The following DOCK10 variants were observed in gnomAD, a reference collection of about 807,000 sequenced individuals.
DOCK10 encodes the protein dedicator of cytokinesis 10.
In DOCK10, 145 loss-of-function variants were observed where a neutral mutation model predicts 280.1. That is an observed-to-expected ratio of 0.52 (90% CI 0.45 to 0.59). DOCK10 has a LOEUF of 0.59. DOCK10 is among the 20% of genes least tolerant of loss of function. DOCK10 has a pLI of 0.00. For synonymous variants in DOCK10, 915 were observed against 942.2 expected (o/e 0.97, Z 0.53); for missense variants, 2,368 against 2,651.7 (o/e 0.89, Z 2.35).
intron 1 of DOCK10, among the ~76,000 whole-genome samples, chr2:225,032,101 TAA>T (rs1179667716): frequency 6.6e-6 from 1 of 152,102 alleles, no homozygotes; most frequent in African/African-American, 2.4e-5. Context: ...AAGATGAAAA[TAA>T]GTTTTATTTT....
chr2:225,016,554 T>C (rs557967884), intron 1 of DOCK10, among the ~76,000 whole-genome samples: 1 of 142,272 alleles, frequency 7.0e-6, no homozygotes, highest in African/African-American at 2.6e-5. Context: ...TATATGCACA[T>C]AGATACATAT....
At chr2:224,902,189 T>C (rs1332108834) in intron 3 of DOCK10, among the ~76,000 whole-genome samples, 1 of 152,226 alleles carries the variant, frequency 6.6e-6, no homozygotes, top group African/African-American at 2.4e-5. Flanking sequence ...GCAATTTGGG[T>C]TTGGCAATGC....
At chr2:224,839,177 C>A (rs998289712) in intron 24 of DOCK10, among the ~76,000 whole-genome samples, 1 of 151,872 alleles carries the variant, frequency 6.6e-6, no homozygotes, top group Non-Finnish European at 1.5e-5. Flanking sequence ...CTCCTGGGTT[C>A]ATGCCATTCT....
chr2:224,921,092 TA>T (rs781152272), intron 2 of DOCK10, among the ~76,000 whole-genome samples: 1,479 of 59,336 alleles, frequency 0.025, 53 homozygotes, highest in Non-Finnish European at 0.03. Flanking sequence ...CCGTCTCTAT[TA>T]AAAAAAAAAA....
chr2:224,919,324 G>A (rs984535440), intron 2 of DOCK10, among the ~76,000 whole-genome samples: 2 of 150,686 alleles, frequency 1.3e-5, no homozygotes, highest in African/African-American at 4.9e-5. Flanking sequence ...CAGTGTGAGT[G>A]TGTGGTGTAT....
chr2:224,774,884 G>A, intron 52 of DOCK10, 21 bp downstream of exon 52: 1 of 1,564,982 alleles, frequency 6.4e-7, no homozygotes, highest in Non-Finnish European at 8.7e-7. Flanking sequence ...CCACATGTGT[G>A]GCCCGGCTAC....
At chr2:224,822,373 A>G (rs978282943) in intron 28 of DOCK10, among the ~76,000 whole-genome samples, 12 of 152,182 alleles carry the variant, frequency 7.9e-5, no homozygotes, top group African/African-American at 2.4e-4. Context: ...CAGTTTAGTA[A>G]GTAGCTACTC....
intron 20 of DOCK10, 76 bp downstream of exon 20, chr2:224,845,442 AG>A: frequency 6.4e-7 from 1 of 1,553,760 alleles, no homozygotes. Flanking sequence ...TCAATAAATC[AG>A]GGCTTTGAAA....
At chr2:224,888,595 A>G (rs1269845904) in intron 4 of DOCK10, among the ~76,000 whole-genome samples, 1 of 151,580 alleles carries the variant, frequency 6.6e-6, no homozygotes, top group African/African-American at 2.4e-5. Context: ...GTGTGAATAT[A>G]TATGTGTTTG....
At chr2:224,911,938 A>G (rs1348533675) in intron 3 of DOCK10, among the ~76,000 whole-genome samples, 1 of 152,198 alleles carries the variant, frequency 6.6e-6, no homozygotes, top group Non-Finnish European at 1.5e-5. Flanking sequence ...GGAATCCTAA[A>G]GCAAGACACG....
chr2:224,849,079 G>A (rs1011755203), intron 19 of DOCK10, among the ~76,000 whole-genome samples: 3 of 152,084 alleles, frequency 2.0e-5, no homozygotes, highest in Non-Finnish European at 4.4e-5. Context: ...TGGTTCAAGC[G>A]AGTCTCCTGC....
At chr2:224,992,587 C>T (rs1422460427) in intron 1 of DOCK10, among the ~76,000 whole-genome samples, 1 of 152,238 alleles carries the variant, frequency 6.6e-6, no homozygotes, top group African/African-American at 2.4e-5. Context: ...TGTTTAGCCT[C>T]TCTTTACAAC....
intron 1 of DOCK10, among the ~76,000 whole-genome samples, chr2:224,974,537 G>A (rs546966312): frequency 6.6e-6 from 1 of 151,662 alleles, no homozygotes; most frequent in South Asian, 2.1e-4. Flanking sequence ...TTGAAGCCTG[G>A]CGTTTAGAGA....
chr2:224,886,888 A>ACCCCCCCCC (rs200245451), intron 4 of DOCK10, among the ~76,000 whole-genome samples: 17 of 142,548 alleles, frequency 1.2e-4, no homozygotes, highest in African/African-American at 2.9e-4. Flanking sequence ...CACCCCCAAC[A>ACCCCCCCCC]CCCCCCCAAG....
chr2:224,799,215 T>A (rs1692806193), intron 41 of DOCK10, among the ~76,000 whole-genome samples: 1 of 152,242 alleles, frequency 6.6e-6, no homozygotes, highest in African/African-American at 2.4e-5. Context: ...TGCTTTTTGT[T>A]CCTATAGTTT....
intron 47 of DOCK10, among the ~76,000 whole-genome samples, chr2:224,790,284 G>A (rs1692081908): frequency 6.6e-6 from 1 of 152,158 alleles, no homozygotes; most frequent in South Asian, 2.1e-4. Context: ...TGACAGACCA[G>A]CCCCTGCACT....
In DOCK10 at chr2:224,968,883, T is replaced by C. The variant is rs892624325; in HGVS notation, c.124-37215A>G. On this transcript the variant is annotated intron_variant, in intron 1 of 55. Coordinates refer to ENST00000258390, the MANE Select transcript of DOCK10 (RefSeq NM_014689.3). Reference sequence around the variant, plus strand: ...CACAAGGTGTGAACGTCTCTTTAACTGACTGTAACTCAAACAGAGCCACAG... The same window carrying C: ...CACAAGGTGTGAACGTCTCTTTAACCGACTGTAACTCAAACAGAGCCACAG... 2.6e-5 allele frequency among the ~76,000 whole-genome samples: 4 copies of C among 152,284 alleles called. No homozygotes were observed. In the South Asian group the frequency reaches 8.3e-4, roughly 32 times the overall value.
At chr2:224,795,206 A>T in intron 44 of DOCK10, 112 bp from the exon 45 acceptor site, 1 of 880,610 alleles carries the variant, frequency 1.1e-6, no homozygotes, top group East Asian at 2.5e-5. Context: ...CATTCTATAT[A>T]TAGTTATAAA....
intron 1 of DOCK10, among the ~76,000 whole-genome samples, chr2:225,008,499 T>C (rs1328559906): frequency 6.6e-6 from 1 of 152,232 alleles, no homozygotes; most frequent in Non-Finnish European, 1.5e-5. Flanking sequence ...GCATTTTCTT[T>C]TCCTCAGAAT....
Sources: allele counts gnomAD v4.1 joint callset (sites outside exome capture counted in the v4.1 genomes callset), GRCh38; gene constraint gnomAD v4.1.1; transcripts MANE v1.5; gene names NCBI Gene and HGNC (gene_info 2026-07-23, HGNC 2026-07-21).